NELL2: variants seen among roughly 807,000 people sequenced by gnomAD.
NELL2 encodes the protein neural EGFL like 2.
NELL2 carries 41 observed loss-of-function variants against 109.6 expected under a neutral mutation model. That is an observed-to-expected ratio of 0.37 (90% CI 0.29 to 0.49). NELL2 has a LOEUF of 0.49. Among genes scored for constraint, NELL2 ranks in the 20% least tolerant of loss-of-function variants. NELL2 has a pLI of 0.98. For missense variants in NELL2, 900 were observed against 1,008.3 expected (o/e 0.89, Z 1.45); for synonymous variants, 355 against 344.7 (o/e 1.03, Z -0.33).
chr12:44,595,794 T>C (rs1425082707), intron 15 of NELL2, among the ~76,000 whole-genome samples: 1 of 152,142 alleles, frequency 6.6e-6, no homozygotes, highest in African/African-American at 2.4e-5. Flanking sequence ...AAGTTCACTC[T>C]TATTCAGCCT....
chr12:44,683,773 C>T (rs1035060470), intron 12 of NELL2, among the ~76,000 whole-genome samples: 20 of 152,188 alleles, frequency 1.3e-4, no homozygotes, highest in Non-Finnish European at 1.5e-5. Flanking sequence ...ATGAAGCCCA[C>T]TTGATCATGG....
At chr12:44,819,722 C>T (rs1943477420) in intron 2 of NELL2, among the ~76,000 whole-genome samples, 3 of 152,160 alleles carry the variant, frequency 2.0e-5, no homozygotes, top group Admixed American at 1.3e-4. Flanking sequence ...CTCCTCCCAG[C>T]CCATTGTCTT....
intron 18 of NELL2, among the ~76,000 whole-genome samples, chr12:44,521,046 C>T (rs1032207061): frequency 2.6e-5 from 4 of 152,150 alleles, no homozygotes; most frequent in Non-Finnish European, 5.9e-5. Context: ...TGAAAGTTTT[C>T]GCTATAAAGA....
rs1413577068 is a variant in NELL2, at chr12:44,531,311, T to C, written c.1804+1270A>G. ...TTTTTAAAAGATGATCTCCATTAAA[T>C]TCTATAAAATACAAACAAAGTAGCT... On this transcript the variant is annotated intron_variant, in intron 16 of 19. Coordinates refer to ENST00000429094, the MANE Select transcript of NELL2 (RefSeq NM_001145108.2). Among the ~76,000 whole-genome samples the C allele has an allele frequency of 2.0e-5, 3 of 152,212 alleles. No individual in the cohort carries two copies. In the East Asian group the frequency reaches 5.8e-4, roughly 29 times the overall value.
chr12:44,884,118 T>TTAAGAATATA (rs1464360230), intron 1 of NELL2, among the ~76,000 whole-genome samples: 1 of 151,452 alleles, frequency 6.6e-6, no homozygotes, highest in Non-Finnish European at 1.5e-5. Flanking sequence ...AGGTAAAGGA[T>TTAAGAATATA]TAAAAATATA....
chr12:44,517,418 TCTC>T (rs1941329006), intron 19 of NELL2, among the ~76,000 whole-genome samples: 1 of 122,872 alleles, frequency 8.1e-6, no homozygotes, highest in Non-Finnish European at 1.7e-5. Flanking sequence ...TCTCTCTCTC[TCTC>T]GTTCCCACTC....
chr12:44,872,385 TCAA>T (rs1014714637), intron 2 of NELL2, among the ~76,000 whole-genome samples: 2 of 152,136 alleles, frequency 1.3e-5, no homozygotes, highest in Admixed American at 6.5e-5. Flanking sequence ...AAATCAAATT[TCAA>T]CAACAACAAA....
At chr12:44,771,104 A>G (rs765339745) in intron 9 of NELL2, among the ~76,000 whole-genome samples, 9 of 152,066 alleles carry the variant, frequency 5.9e-5, no homozygotes, top group Non-Finnish European at 1.2e-4. Flanking sequence ...TAAAATATTT[A>G]TACTTTCCAT....
intron 1 of NELL2, among the ~76,000 whole-genome samples, chr12:44,887,484 A>G (rs1945486977): frequency 6.6e-6 from 1 of 151,944 alleles, no homozygotes; most frequent in Non-Finnish European, 1.5e-5. Flanking sequence ...GGAGACACCA[A>G]TCTCATCAGA....
chr12:44,687,384 G>A (rs900161015), intron 12 of NELL2, among the ~76,000 whole-genome samples: 1 of 152,182 alleles, frequency 6.6e-6, no homozygotes, highest in Non-Finnish European at 1.5e-5. Flanking sequence ...CTCACGCTGG[G>A]AGCTGTAGAC....
At chr12:44,831,556 A>G (rs1943887526) in intron 2 of NELL2, among the ~76,000 whole-genome samples, 1 of 152,126 alleles carries the variant, frequency 6.6e-6, no homozygotes, top group South Asian at 2.1e-4. Flanking sequence ...AAAACTCTCT[A>G]CTTTTATCAG....
At chr12:44,810,923 T>C (rs1412058923) in intron 3 of NELL2, among the ~76,000 whole-genome samples, 1 of 152,156 alleles carries the variant, frequency 6.6e-6, no homozygotes, top group African/African-American at 2.4e-5. Context: ...GTAAATGATA[T>C]TTTAATGTCT....
At chr12:44,615,270 CAA>C (rs1945778499) in intron 13 of NELL2, among the ~76,000 whole-genome samples, 1 of 151,840 alleles carries the variant, frequency 6.6e-6, no homozygotes, top group Non-Finnish European at 1.5e-5. Context: ...TGCAGATTCC[CAA>C]TTAAAAACAC....
At chr12:44,661,657 G>C (rs540034005) in intron 13 of NELL2, among the ~76,000 whole-genome samples, 1 of 152,164 alleles carries the variant, frequency 6.6e-6, no homozygotes, top group South Asian at 2.1e-4. Flanking sequence ...AACTCAAGAA[G>C]ATCTACCCAA....
chr12:44,764,806 A>G (rs942135177), intron 9 of NELL2, among the ~76,000 whole-genome samples: 3 of 152,186 alleles, frequency 2.0e-5, no homozygotes, highest in Non-Finnish European at 2.9e-5. Flanking sequence ...ACATCCCTAA[A>G]ACATATCCTG....
At chr12:44,875,501 C>T (rs7295923) in intron 1 of NELL2, 148 bp from the exon 2 acceptor site, 572,807 of 1,613,360 alleles carry the variant, frequency 0.36, 105,627 homozygotes, top group South Asian at 0.57. Context: ...CCGCCGAGAG[C>T]CTTACCTGAG....
intron 13 of NELL2, among the ~76,000 whole-genome samples, chr12:44,641,315 GAGTA>G (rs1170233250): frequency 6.6e-6 from 1 of 152,092 alleles, no homozygotes; most frequent in African/African-American, 2.4e-5. Flanking sequence ...GTATTTTTAG[GAGTA>G]AGTAATAAAA....
At chr12:44,511,055 G>A (rs1940980838) in intron 19 of NELL2, among the ~76,000 whole-genome samples, 1 of 152,166 alleles carries the variant, frequency 6.6e-6, no homozygotes, top group South Asian at 2.1e-4. Flanking sequence ...ATTAGCATTA[G>A]AACCCTATGG....
intron 13 of NELL2, among the ~76,000 whole-genome samples, chr12:44,646,071 T>A (rs552322944): frequency 6.6e-6 from 1 of 152,146 alleles, no homozygotes; most frequent in Non-Finnish European, 1.5e-5. Context: ...GTATGTCTTT[T>A]TTTTTTATCC....
Sources: allele counts gnomAD v4.1 joint callset (sites outside exome capture counted in the v4.1 genomes callset), GRCh38; gene constraint gnomAD v4.1.1; transcripts MANE v1.5; gene names NCBI Gene and HGNC (gene_info 2026-07-23, HGNC 2026-07-21).